The following SLC17A1 variants were observed in gnomAD, a reference collection of about 807,000 sequenced individuals.
SLC17A1 encodes sodium-dependent phosphate transport protein 1.
SLC17A1 carries 51 observed loss-of-function variants against 53.5 expected under a neutral mutation model. The observed-to-expected ratio is 0.95, with a 90% confidence interval of 0.76 to 1.20. The LOEUF (loss-of-function observed/expected upper bound fraction) is 1.20, where lower values mean the gene tolerates loss of function less well. Among genes scored for constraint, SLC17A1 ranks in the 50% most tolerant of loss-of-function variants. The probability of loss-of-function intolerance (pLI) is 0.00; values close to 1 mark genes in which losing one functional copy is unlikely to be tolerated. For missense variants in SLC17A1, 538 were observed against 568.2 expected, an observed-to-expected ratio of 0.95 and a Z score of 0.54; for synonymous variants, 179 against 198.8, an observed-to-expected ratio of 0.90 and a Z score of 0.84.
intron 11 of SLC17A1, 151 bp from the exon 12 acceptor site, chr6:25,799,070 A>G: frequency 3.3e-6 from 2 of 601,842 alleles, no homozygotes; most frequent in Non-Finnish European, 5.3e-6. Flanking sequence ...TCATCATTTT[A>G]CTTTATAAAA....
the SLC17A1 span, among the ~76,000 whole-genome samples, chr6:25,774,291 C>T: frequency 6.6e-6 from 1 of 152,174 alleles, no homozygotes; most frequent in Non-Finnish European, 1.5e-5. Context: ...AGGAGCCTTT[C>T]AATTCCTGCT....
chr6:25,759,534 T>C, the SLC17A1 span, among the ~76,000 whole-genome samples: 1 of 152,224 alleles, frequency 6.6e-6, no homozygotes, highest in South Asian at 2.1e-4. Context: ...AGTCCTTTTG[T>C]TGCTATATAA....
intron 12 of SLC17A1, among the ~76,000 whole-genome samples, chr6:25,784,849 G>A (rs542487100): frequency 1.1e-4 from 17 of 152,168 alleles, no homozygotes; most frequent in African/African-American, 3.6e-4. Context: ...CTAAGATCAC[G>A]AACAAGACAA....
the SLC17A1 span, chr6:25,769,013 C>T: frequency 1.9e-6 from 3 of 1,613,924 alleles, no homozygotes; most frequent in Non-Finnish European, 2.5e-6. Flanking sequence ...ATGGGCTGGC[C>T]CTCATCTTGC....
chr6:25,782,907 C>A (rs2151471039), downstream of SLC17A1: 1 of 152,160 alleles, frequency 6.6e-6, no homozygotes, highest in African/African-American at 2.4e-5. Flanking sequence ...TTTCATGAAG[C>A]CTTAGAATAA....
At chr6:25,726,146 C>T in the SLC17A1 span, 8 of 1,545,420 alleles carry the variant, frequency 5.2e-6, no homozygotes, top group East Asian at 2.3e-5. Context: ...TTGCTTTGGG[C>T]TTTATGGTGG....
At chr6:25,792,959 CA>C (rs1763534162) in intron 12 of SLC17A1, among the ~76,000 whole-genome samples, 1 of 152,086 alleles carries the variant, frequency 6.6e-6, no homozygotes, top group African/African-American at 2.4e-5. Flanking sequence ...TAGAAGGTGG[CA>C]AAAATGATCT....
the SLC17A1 span, among the ~76,000 whole-genome samples, chr6:25,762,787 CA>C: frequency 6.6e-6 from 1 of 152,160 alleles, no homozygotes; most frequent in Admixed American, 6.5e-5. Flanking sequence ...ACTCAACCTA[CA>C]ACTAGTCACC....
intron 12 of SLC17A1, among the ~76,000 whole-genome samples, chr6:25,791,183 T>A (rs762532373): frequency 6.6e-6 from 1 of 152,190 alleles, no homozygotes; most frequent in Non-Finnish European, 1.5e-5. Context: ...AGTACTGTTA[T>A]AACTACCAAT....
the SLC17A1 span, among the ~76,000 whole-genome samples, chr6:25,748,960 G>T: frequency 2.6e-5 from 4 of 152,148 alleles, no homozygotes; most frequent in Admixed American, 2.0e-4. Flanking sequence ...GTTTTGTACC[G>T]AGACATTCCA....
Position 25,831,983 on chromosome 6 carries a change from C to G in SLC17A1, c.-51+11G>C, listed in dbSNP as rs914272004. On this transcript the variant is annotated intron_variant, in intron 1 of 12. Coordinates refer to ENST00000244527, the MANE Select transcript of SLC17A1 (RefSeq NM_005074.5). Reference sequence around the variant, plus strand: ...ATTGCTCATTTCATTTAATGAGCCCCGTAGACTAACCTGATTCGGGACAAA... The same window carrying G: ...ATTGCTCATTTCATTTAATGAGCCCGGTAGACTAACCTGATTCGGGACAAA... 2.0e-5 allele frequency: 3 copies of G among 152,112 alleles called. No individual in the cohort carries two copies. Among genetic ancestry groups the G allele is most frequent in the Non-Finnish European group, 4.4e-5 (3 of 68,006 alleles). The allele number at this position is 152,112 out of a possible 1,614,324, so 9.4% of individuals were successfully genotyped here.
the SLC17A1 span, among the ~76,000 whole-genome samples, chr6:25,741,043 A>G: frequency 6.8e-6 from 1 of 146,452 alleles, no homozygotes; most frequent in Admixed American, 7.0e-5. Flanking sequence ...TAGGGAATGA[A>G]GTAAGGTTGG....
intron 12 of SLC17A1, among the ~76,000 whole-genome samples, chr6:25,795,987 A>G (rs1763594479): frequency 6.6e-6 from 1 of 152,224 alleles, no homozygotes; most frequent in Admixed American, 6.5e-5. Context: ...ACTTTGGTAT[A>G]ACTTTCAATA....
rs995947536 is a variant in SLC17A1, at chr6:25,798,649, T to G, written c.*2+134A>C. The G allele has an allele frequency of 3.2e-5, 23 of 712,048 alleles. No homozygotes were observed. The African/African-American group carries it at 4.1e-4, about 13-fold the overall frequency. 44.1% of individuals were successfully genotyped at this position (712,048 alleles called of 1,614,324 possible). On this transcript the variant is annotated intron_variant, in intron 12 of 12. Coordinates refer to ENST00000244527, the MANE Select transcript of SLC17A1 (RefSeq NM_005074.5). ...ACAGCCATTTCAGGATGTCTAATAT[T>G]CTCAGGCTTAACATGGTCTCCTCTT...
chr6:25,762,497 T>C, the SLC17A1 span, among the ~76,000 whole-genome samples: 16 of 152,200 alleles, frequency 1.1e-4, no homozygotes, highest in Admixed American at 9.2e-4. Context: ...TATTACAACA[T>C]CATGCTTTTT....
the SLC17A1 span, among the ~76,000 whole-genome samples, chr6:25,761,582 G>C: frequency 1.6e-4 from 25 of 152,262 alleles, no homozygotes; most frequent in East Asian, 4.8e-3. Context: ...GAATCTCCTA[G>C]ATGAAATTTC....
intron 10 of SLC17A1, 117 bp from the exon 11 acceptor site, chr6:25,801,097 C>G (rs1047069211): frequency 2.7e-5 from 17 of 640,842 alleles, no homozygotes; most frequent in Non-Finnish European, 4.5e-5. Context: ...TCCTGCTTCT[C>G]AAATTCCATT....
downstream of SLC17A1, among the ~76,000 whole-genome samples, chr6:25,781,358 A>G (rs1430451361): frequency 6.6e-6 from 1 of 151,344 alleles, no homozygotes; most frequent in Non-Finnish European, 1.5e-5. Context: ...GGAAGAGAGA[A>G]TGTTTCCAAA....
chr6:25,777,117 A>G, the SLC17A1 span: 1 of 825,686 alleles, frequency 1.2e-6, no homozygotes, highest in Non-Finnish European at 1.8e-6. Flanking sequence ...CCTGGAAGAG[A>G]CTCAAAGCTG....
Sources: allele counts gnomAD v4.1 joint callset (sites outside exome capture counted in the v4.1 genomes callset), GRCh38; gene constraint gnomAD v4.1.1; transcripts MANE v1.5; gene names NCBI Gene and HGNC (gene_info 2026-07-23, HGNC 2026-07-21).